Variants in PSMD11 observed in about 807,000 individuals in gnomAD.
PSMD11 encodes the protein proteasome 26S subunit, non-ATPase 11.
In PSMD11, 5 loss-of-function variants were observed where a neutral mutation model predicts 62.3. The ratio of observed to expected loss-of-function variants is 0.08; its 90% confidence interval spans 0.04 to 0.17. The LOEUF (loss-of-function observed/expected upper bound fraction) is 0.17, where lower values mean the gene tolerates loss of function less well. Among genes scored for constraint, PSMD11 ranks in the 10% least tolerant of loss-of-function variants. PSMD11 has a pLI of 1.00. For missense variants in PSMD11, 310 were observed against 512.9 expected, an observed-to-expected ratio of 0.60 and a Z score of 3.82; for synonymous variants, 191 against 191.8, an observed-to-expected ratio of 1.00 and a Z score of 0.03.
At chr17:32,469,994 T>G (rs1212615194) in intron 6 of PSMD11, among the ~76,000 whole-genome samples, 5 of 151,970 alleles carry the variant, frequency 3.3e-5, no homozygotes, top group Non-Finnish European at 5.9e-5. Flanking sequence ...TGAGTGACAG[T>G]CTAGTTTTTT....
intron 2 of PSMD11, among the ~76,000 whole-genome samples, chr17:32,448,893 T>C (rs1827624540): frequency 6.6e-6 from 1 of 152,222 alleles, no homozygotes; most frequent in Non-Finnish European, 1.5e-5. Flanking sequence ...TGGTTATTGC[T>C]TTCCTATAAC....
chr17:32,445,746 A>C (rs1907313785), intron 1 of PSMD11: 1 of 152,226 alleles, frequency 6.6e-6, no homozygotes. Context: ...AGTGTGTTGA[A>C]TTTTGGTATT....
intron 5 of PSMD11, among the ~76,000 whole-genome samples, chr17:32,467,648 C>T (rs1224600399): frequency 2.0e-5 from 3 of 152,136 alleles, no homozygotes; most frequent in African/African-American, 7.2e-5. Flanking sequence ...CACTCTGTCA[C>T]CCAACCTGGA....
chr17:32,464,180 A>T lies in PSMD11; in HGVS notation c.390+60A>T. The T allele has an allele frequency of 2.1e-6, 3 of 1,440,060 alleles. No individual in the cohort carries two copies. The East Asian group carries it at 6.8e-5, about 33-fold the overall frequency. The allele number at this position is 1,440,060 out of a possible 1,614,324, so 89.2% of individuals were successfully genotyped here. A position where few individuals can be genotyped will look rare whatever the true frequency, so the allele number is the denominator to read the frequency against. On this transcript the variant is annotated intron_variant, in intron 4 of 13. Transcript: ENST00000261712. ...AAGCATGAGACAGAGGGTGAATGTA[A>T]GCAGTACCATCCTTATCAAAAGTAT...
At chr17:32,463,947 T>C in intron 3 of PSMD11, 102 bp from the exon 4 acceptor site, 2 of 1,049,748 alleles carry the variant, frequency 1.9e-6, no homozygotes, top group Non-Finnish European at 1.5e-6. Context: ...TAGAGCAACA[T>C]GGATAATATG....
chr17:32,447,203 T>C, intron 2 of PSMD11, 157 bp downstream of exon 2: 1 of 535,744 alleles, frequency 1.9e-6, no homozygotes, highest in East Asian at 3.4e-5. Context: ...TAAGTGGCCT[T>C]TAAACTCACT....
At chr17:32,455,395 G>A (rs1168095990) in intron 3 of PSMD11, among the ~76,000 whole-genome samples, 1 of 152,164 alleles carries the variant, frequency 6.6e-6, no homozygotes. Flanking sequence ...AGTCACTGTT[G>A]TCATGAGGAT....
chr17:32,480,454 A>G (rs759848624), intron 12 of PSMD11, 35 bp from the exon 13 acceptor site: 2 of 1,613,544 alleles, frequency 1.2e-6, no homozygotes, highest in South Asian at 2.2e-5. Context: ...GTCTAACCTC[A>G]TCTTTTACCT....
chr17:32,455,442 TA>T (rs1177573567), intron 3 of PSMD11, among the ~76,000 whole-genome samples: 2 of 152,196 alleles, frequency 1.3e-5, no homozygotes, highest in African/African-American at 2.4e-5. Flanking sequence ...TAAACAAATG[TA>T]AAATGGCAGA....
At chr17:32,479,778 T>C (rs1326506852) in intron 10 of PSMD11, 73 bp from the exon 11 acceptor site, 2 of 1,518,986 alleles carry the variant, frequency 1.3e-6, no homozygotes, top group African/African-American at 1.4e-5. Flanking sequence ...GTTCTCCCCC[T>C]GTTCCCTCCC....
In PSMD11 at chr17:32,480,972, G is replaced by T. The variant is rs3209620; in HGVS notation, c.*220G>T. 1 of 174,934 alleles carries T rather than the reference G, an allele frequency of 5.7e-6. No homozygotes were observed. The highest frequency in any genetic ancestry group is 1.2e-5 in the Non-Finnish European group (1 of 84,968). 10.8% of individuals were successfully genotyped at this position (174,934 alleles called of 1,614,324 possible). On this transcript the variant is annotated 3_prime_UTR_variant, in exon 14 of 14. Coordinates refer to ENST00000261712, the MANE Select transcript of PSMD11 (RefSeq NM_002815.4). ...AGTGGGGAAATTGCTTAAAAAAAAAGAAAAAGAAAAAAAAAAAGATTATTC... is the reference window on the plus strand; with the variant it reads ...AGTGGGGAAATTGCTTAAAAAAAAATAAAAAGAAAAAAAAAAAGATTATTC...
rs551469411 is a variant in PSMD11, at chr17:32,456,143, C to CAA, written c.318+1545_318+1546dup. On this transcript the variant is annotated intron_variant, in intron 3 of 13. Transcript: ENST00000261712. The stretch of plus-strand genomic sequence containing the variant: ...TGGGTGACAGAGCGAGACTCTGTCT[C>CAA]AAAAAAAAAAAAAAAAAAAAAATCA... Among the ~76,000 whole-genome samples, 327 of 57,762 alleles carry CAA rather than the reference C, an allele frequency of 5.7e-3. 6 individuals are homozygous for CAA. The highest frequency in any genetic ancestry group is 0.016 in the African/African-American group (234 of 14,970). 37.9% of individuals were successfully genotyped at this position (57,762 alleles called of 152,430 possible). A position where few individuals can be genotyped will look rare whatever the true frequency, so the allele number is the denominator to read the frequency against.
chr17:32,462,133 A>T (rs1163299100), intron 3 of PSMD11, among the ~76,000 whole-genome samples: 2 of 152,086 alleles, frequency 1.3e-5, no homozygotes, highest in African/African-American at 4.8e-5. Context: ...CAGCCCAGGC[A>T]TTCTTTTTTT....
Position 32,471,780 on chromosome 17 carries a change from T to C in PSMD11, c.644-2021T>C, listed in dbSNP as rs751470130. The stretch of plus-strand genomic sequence containing the variant: ...AGTCTCTAACTCCTTTGGGAACTTA[T>C]ATTGGCAATATGACATTGAGCTGGG... On this transcript the variant is annotated intron_variant, in intron 6 of 13. Transcript: ENST00000261712. Among the ~76,000 whole-genome samples, 18 of 152,318 alleles carry C rather than the reference T, an allele frequency of 1.2e-4. 1 individual carries two copies. Among genetic ancestry groups the C allele is most frequent in the Admixed American group, 7.8e-4 (12 of 15,300 alleles).
At chr17:32,464,857 TA>T (rs1907948832) in intron 5 of PSMD11, among the ~76,000 whole-genome samples, 1 of 152,136 alleles carries the variant, frequency 6.6e-6, no homozygotes, top group African/African-American at 2.4e-5. Context: ...AACTGAAATT[TA>T]AAAAAAGTGT....
chr17:32,474,582 C>T (rs1159333729), intron 7 of PSMD11, among the ~76,000 whole-genome samples, 182 bp from the exon 8 acceptor site: 7 of 152,058 alleles, frequency 4.6e-5, no homozygotes, highest in African/African-American at 1.7e-4. Context: ...TGAGCTGTGA[C>T]CCAGAGTGGA....
chr17:32,477,609 G>T (rs1908366336), intron 9 of PSMD11, 26 bp downstream of exon 9: 1 of 1,571,064 alleles, frequency 6.4e-7, no homozygotes, highest in African/African-American at 1.4e-5. Context: ...GGTTGGTATG[G>T]AATGTGAGTG....
chr17:32,450,061 C>A (rs1907443544), intron 2 of PSMD11, among the ~76,000 whole-genome samples: 1 of 152,156 alleles, frequency 6.6e-6, no homozygotes, highest in Non-Finnish European at 1.5e-5. Context: ...CTGTTGAGTT[C>A]TGTGAGGTCC....
intron 2 of PSMD11, among the ~76,000 whole-genome samples, chr17:32,449,952 A>T (rs1907440497): frequency 6.6e-6 from 1 of 152,212 alleles, no homozygotes; most frequent in Admixed American, 6.5e-5. Context: ...ACAATGTCTG[A>T]TGTGTAATTG....
Sources: gnomAD v4.1 joint callset for allele counts (sites outside exome capture counted in the v4.1 genomes callset) on GRCh38, gnomAD v4.1.1 for gene constraint, MANE v1.5 for transcripts, NCBI Gene and HGNC (gene_info 2026-07-23, HGNC 2026-07-21) for gene names.